The following ZNF227 variants were observed in gnomAD, a reference collection of about 807,000 sequenced individuals.
ZNF227 encodes zinc finger protein 227.
A neutral mutation model predicts 13.2 loss-of-function variants in ZNF227; 12 were observed. The ratio of observed to expected loss-of-function variants is 0.91; its 90% confidence interval spans 0.58 to 1.47. ZNF227 has a LOEUF of 1.47. Among genes scored for constraint, ZNF227 ranks in the 40% most tolerant of loss-of-function variants. The pLI is 0.00. For missense variants in ZNF227, 885 were observed against 967.5 expected, an observed-to-expected ratio of 0.91 and a Z score of 1.13; for synonymous variants, 338 against 326.0, an observed-to-expected ratio of 1.04 and a Z score of -0.40.
At chr19:44,231,478 G>A (rs1973840505) in intron 5 of ZNF227, among the ~76,000 whole-genome samples, 2 of 151,658 alleles carry the variant, frequency 1.3e-5, no homozygotes, top group Non-Finnish European at 2.9e-5. Context: ...GATTACAGGC[G>A]CCTGCCACCA....
At chr19:44,210,096 T>G (rs1200982944), upstream of ZNF227, among the ~76,000 whole-genome samples, 1 of 152,196 alleles carries the variant, frequency 6.6e-6, no homozygotes, top group Admixed American at 6.5e-5. Context: ...CCAAAATGGA[T>G]TTAGGAAAAA....
Position 44,236,846 on chromosome 19 carries a change from T to TA in ZNF227, c.*17dup. The TA allele has an allele frequency of 6.5e-7, 1 of 1,539,082 alleles. No individual in the cohort carries two copies. The highest frequency in any genetic ancestry group is 1.3e-5 in the South Asian group (1 of 77,780). On this transcript the variant is annotated 3_prime_UTR_variant, in exon 6 of 6. Transcript: ENST00000313040. ...AAAGCTTTAGAAATGAGAAATGTGTTACCAACTTTTGTCTGAATGCACATC... is the reference window on the plus strand; with the variant it reads ...AAAGCTTTAGAAATGAGAAATGTGTTAACCAACTTTTGTCTGAATGCACATC...
At chr19:44,215,099 G>C (rs1454976893) in intron 2 of ZNF227, among the ~76,000 whole-genome samples, 1 of 151,426 alleles carries the variant, frequency 6.6e-6, no homozygotes, top group East Asian at 1.9e-4. Context: ...ATTATCTTCC[G>C]TGAAACTGGT....
chr19:44,224,677 G>C (rs1220770473), intron 3 of ZNF227, among the ~76,000 whole-genome samples: 1 of 151,796 alleles, frequency 6.6e-6, no homozygotes, highest in Non-Finnish European at 1.5e-5. Flanking sequence ...ACGTGAGATG[G>C]GTTTCCTGAA....
rs1973440814 is a variant in ZNF227, at chr19:44,228,563, GT to G, written c.180del (p.Ala61GlnfsTer23). 6.2e-7 allele frequency: 1 copy of G among 1,611,886 alleles called. No individual in the cohort carries two copies. The highest frequency in any genetic ancestry group is 1.1e-5 in the South Asian group (1 of 90,914). ...DVMVENFKNLVAVGHLPFQPD... is the reference protein window; with the variant it reads ...DVMVENFKNLXAVGHLPFQPD... Reference sequence around the variant, plus strand: ...CATGGTGGAGAACTTCAAGAACCTGGTTGCAGTGGGTGAGGACAGGCACTCT... The same window carrying G: ...CATGGTGGAGAACTTCAAGAACCTGGTGCAGTGGGTGAGGACAGGCACTCT... On this transcript the variant is annotated frameshift_variant, in exon 4 of 6. Transcript: ENST00000313040. LOFTEE classifies it high-confidence loss of function.
chr19:44,230,928 T>A (rs8105083), intron 5 of ZNF227, among the ~76,000 whole-genome samples: 1,400 of 77,150 alleles, frequency 0.018, 10 homozygotes, highest in African/African-American at 0.059. Context: ...AAAAAAAAAA[T>A]ATATATATAT....
At chr19:44,225,861 T>A (rs905570737) in intron 3 of ZNF227, among the ~76,000 whole-genome samples, 1 of 152,164 alleles carries the variant, frequency 6.6e-6, no homozygotes, top group Non-Finnish European at 1.5e-5. Context: ...AGTTTCCAGT[T>A]TTTCTGCTCT....
intron 5 of ZNF227, among the ~76,000 whole-genome samples, chr19:44,230,255 T>C (rs1378157095): frequency 6.6e-6 from 1 of 152,146 alleles, no homozygotes; most frequent in Non-Finnish European, 1.5e-5. Context: ...ACTCAAGCAG[T>C]CTTCCCACCT....
intron 3 of ZNF227, among the ~76,000 whole-genome samples, chr19:44,221,215 T>G (rs1390849959): frequency 6.6e-6 from 1 of 152,208 alleles, no homozygotes; most frequent in Non-Finnish European, 1.5e-5. Flanking sequence ...TGTAGGGACA[T>G]GAACATACAT....
In ZNF227 at chr19:44,216,021, TAAAAA is replaced by T. The variant is rs11325106; in HGVS notation, c.-2-1756_-2-1752del. Among the ~76,000 whole-genome samples the T allele has an allele frequency of 3.7e-5, 4 of 107,930 alleles. 1 individual carries two copies. The highest frequency in any genetic ancestry group is 5.9e-4 in the East Asian group (2 of 3,366). The allele number at this position is 107,930 out of a possible 152,430, so 70.8% of individuals were successfully genotyped here. A position where few individuals can be genotyped will look rare whatever the true frequency, so the allele number is the denominator to read the frequency against. ...AAAAAAAAAAAAAAAGATGTACCTTTAAAAAAAAAAAAAAAAAAGCTATGTTTTTA... is the reference window on the plus strand; with the variant it reads ...AAAAAAAAAAAAAAAGATGTACCTTTAAAAAAAAAAAAAGCTATGTTTTTA... On this transcript the variant is annotated intron_variant, in intron 2 of 5. Transcript: ENST00000313040.
Position 44,235,853 on chromosome 19 carries a change from C to G in ZNF227, c.1423C>G (p.Arg475Gly), listed in dbSNP as rs1459305524. The change falls in exon 6 of 6, where the codon CGT becomes GGT. Residue 475 changes from arginine to glycine, a missense_variant. Arg to Gly is a moderately radical substitution (Grantham distance 125). Coordinates refer to ENST00000313040, the MANE Select transcript of ZNF227 (RefSeq NM_182490.3). ...TGAGGCGTGTGGGAAAGGCTTTACC[C>G]GTAATACAGATCTGCATATTCATTT... ...KCEACGKGFT[R>G]NTDLHIHFRV... is the part of the protein sequence containing the mutation. The G allele has an allele frequency of 5.0e-6, 8 of 1,613,192 alleles. No homozygotes were observed. In the Admixed American group the frequency reaches 5.0e-5, roughly 10 times the overall value.
At chr19:44,226,761 A>C (rs1265125851) in intron 3 of ZNF227, among the ~76,000 whole-genome samples, 1 of 152,138 alleles carries the variant, frequency 6.6e-6, no homozygotes, top group Non-Finnish European at 1.5e-5. Flanking sequence ...TTTGGCTCAC[A>C]CCCAGTGTGC....
rs758333889 is a variant in ZNF227, at chr19:44,235,049, T to C, written c.619T>C (p.Phe207Leu). 29 of 1,613,856 alleles carry C rather than the reference T, an allele frequency of 1.8e-5. No individual in the cohort carries two copies. The African/African-American group carries it at 3.9e-4, about 22-fold the overall frequency. ...AAATAACCTGCAAATACATGAAGAC[T>C]TCATGAAGAAATCACCATTTCATGA... ...VKNNLQIHED[F>L]MKKSPFHEHI... Residue 207 changes from phenylalanine (F) to leucine (L), a missense_variant, in exon 6 of 6, where the codon TTC (phenylalanine) becomes CTC (leucine). Coordinates refer to ENST00000313040, the MANE Select transcript of ZNF227 (RefSeq NM_182490.3).
intron 1 of ZNF227, 149 bp downstream of exon 1, chr19:44,212,734 C>T (rs897511763): frequency 6.6e-6 from 1 of 152,240 alleles, no homozygotes; most frequent in Non-Finnish European, 1.5e-5. Context: ...TGCTCTCCTC[C>T]CGCACTTGGC....
In ZNF227 at chr19:44,235,451, A is replaced by G. The variant is rs763341871; in HGVS notation, c.1021A>G (p.Ile341Val). Residue 341 changes from isoleucine to valine, a missense_variant, in exon 6 of 6, where the codon ATT (isoleucine) becomes GTT (valine). Ile to Val is a conservative substitution (Grantham distance 29). Transcript: ENST00000313040. ...KGFSSSTGLI[I>V]HYRTHTGEKP... The stretch of plus-strand genomic sequence containing the variant: ...ATTCAGTAGCAGCACGGGTCTTATC[A>G]TTCATTACAGAACTCATACTGGAGA... The G allele has an allele frequency of 1.2e-6, 2 of 1,614,036 alleles. No individual in the cohort carries two copies. The highest frequency in any genetic ancestry group is 4.5e-5 in the East Asian group (2 of 44,898).
chr19:44,217,966 T>G, intron 3 of ZNF227, 114 bp downstream of exon 3: 1 of 1,190,452 alleles, frequency 8.4e-7, no homozygotes, highest in Non-Finnish European at 1.2e-6. Flanking sequence ...TCAGGACATG[T>G]GGTATGCTGA....
Position 44,236,310 on chromosome 19 carries a change from C to T in ZNF227, c.1880C>T (p.Thr627Ile), listed in dbSNP as rs773861294. Residue 627 changes from threonine (T) to isoleucine (I), a missense_variant, in exon 6 of 6, where the codon ACT (threonine) becomes ATT (isoleucine). Thr to Ile is a moderately conservative substitution (Grantham distance 89). Transcript: ENST00000313040. ...IDFRVHQRVH[T>I]GEKPYKCGVC... ...TTTCGGGTACATCAGAGAGTCCATA[C>T]TGGAGAGAAGCCATACAAATGTGGT... is the stretch of plus-strand genomic sequence containing the variant. 3 of 1,613,840 alleles carry T rather than the reference C, an allele frequency of 1.9e-6. No individual in the cohort carries two copies. The highest frequency in any genetic ancestry group is 2.7e-5 in the African/African-American group (2 of 74,864).
intron 3 of ZNF227, chr19:44,227,050 G>A (rs1002134602): frequency 6.6e-6 from 1 of 152,028 alleles, no homozygotes; most frequent in African/African-American, 2.4e-5. Context: ...ACATTATTTG[G>A]ATTGGTTAGA....
rs754223119 is a variant in ZNF227, at chr19:44,235,188, G to C, written c.758G>C (p.Gly253Ala). The C allele has an allele frequency of 6.2e-7, 1 of 1,614,070 alleles. No homozygotes were observed. The highest frequency in any genetic ancestry group is 1.1e-5 in the South Asian group (1 of 91,070). The change falls in exon 6 of 6, where the codon GGT becomes GCT. Residue 253 changes from glycine to alanine, a missense_variant. Physicochemically the swap from Gly to Ala is moderately conservative, Grantham distance 60. Transcript: ENST00000313040. Reference protein sequence around the residue: ...LPLGEKPHPCGECGRGFSYSP... With the variant: ...LPLGEKPHPCAECGRGFSYSP... ...TTAGGAGAGAAACCCCATCCATGTG[G>C]TGAGTGTGGAAGGGGCTTCAGTTAT...
Sources: allele counts gnomAD v4.1 joint callset (sites outside exome capture counted in the v4.1 genomes callset), GRCh38; gene constraint gnomAD v4.1.1; transcripts MANE v1.5; gene names NCBI Gene and HGNC (gene_info 2026-07-23, HGNC 2026-07-21).